Variants in SH3KBP1 observed in about 807,000 individuals in gnomAD.
The protein encoded by SH3KBP1 is SH3 domain-containing kinase-binding protein 1.
Under a neutral mutation model 50.1 loss-of-function variants are expected in SH3KBP1, and 8 were observed. That is an observed-to-expected ratio of 0.16 (90% CI 0.09 to 0.29). The LOEUF (loss-of-function observed/expected upper bound fraction) is 0.29, where lower values mean the gene tolerates loss of function less well. Among genes scored for constraint, SH3KBP1 ranks in the 10% least tolerant of loss-of-function variants. SH3KBP1 has a pLI of 1.00. For missense variants in SH3KBP1, 377 were observed against 535.2 expected (o/e 0.70, Z 2.92); for synonymous variants, 227 against 218.6 (o/e 1.04, Z -0.34).
chrX:19,863,789 T>C (rs1319542942), intron 1 of SH3KBP1, among the ~76,000 whole-genome samples: 1 of 111,621 alleles, frequency 9.0e-6, no homozygotes, highest in Non-Finnish European at 1.9e-5. Context: ...GCACTGGATG[T>C]CCAAAAAGTA....
At chrX:19,637,238 A>G (rs1490855350) in intron 7 of SH3KBP1, among the ~76,000 whole-genome samples, 4 of 112,667 alleles carry the variant, frequency 3.6e-5, no homozygotes, top group African/African-American at 1.3e-4. Context: ...GACTATGAGT[A>G]GGCATATGTC....
At chrX:19,698,271 C>T (rs1448340049) in intron 4 of SH3KBP1, among the ~76,000 whole-genome samples, 1 of 111,926 alleles carries the variant, frequency 8.9e-6, no homozygotes, top group South Asian at 3.7e-4. Flanking sequence ...CCCAACAGCA[C>T]GGGGCAGCTG....
At chrX:19,848,947 T>C (rs190958427) in intron 1 of SH3KBP1, among the ~76,000 whole-genome samples, 2 of 110,996 alleles carry the variant, frequency 1.8e-5, no homozygotes, top group Non-Finnish European at 3.8e-5. Context: ...CTTTTTTTTT[T>C]AATTTCTTTT....
intron 17 of SH3KBP1, among the ~76,000 whole-genome samples, chrX:19,537,365 G>A (rs750967658): frequency 1.8e-5 from 2 of 110,229 alleles, no homozygotes; most frequent in East Asian, 5.7e-4. Context: ...GTCTGAGGCA[G>A]GAGAATCGCT....
At chrX:19,606,697 G>A (rs2067252061) in intron 9 of SH3KBP1, among the ~76,000 whole-genome samples, 1 of 112,157 alleles carries the variant, frequency 8.9e-6, no homozygotes, top group African/African-American at 3.2e-5. Flanking sequence ...AGAGAACGCT[G>A]TTAAAATGCA....
chrX:19,703,707 TG>T (rs2063582136), intron 4 of SH3KBP1, among the ~76,000 whole-genome samples: 2 of 64,297 alleles, frequency 3.1e-5, no homozygotes, highest in African/African-American at 1.6e-4. Flanking sequence ...TGTGTGTGTG[TG>T]TGTGTGTGTG....
chrX:19,870,468 G>A (rs955208852), intron 1 of SH3KBP1, among the ~76,000 whole-genome samples: 2 of 111,014 alleles, frequency 1.8e-5, no homozygotes, highest in African/African-American at 3.3e-5. Context: ...TCAGTGTCCT[G>A]GGTGGCTAGG....
At chrX:19,586,242 A>T (rs988894101) in intron 12 of SH3KBP1, among the ~76,000 whole-genome samples, 11 of 111,950 alleles carry the variant, frequency 9.8e-5, no homozygotes, top group Non-Finnish European at 1.9e-4. Context: ...ATAACCAGAG[A>T]GTTGCAAGCA....
intron 2 of SH3KBP1, among the ~76,000 whole-genome samples, chrX:19,779,551 A>G (rs373783357): frequency 4.2e-5 from 4 of 94,255 alleles, no homozygotes; most frequent in East Asian, 7.7e-4. Context: ...AGCATTAGGT[A>G]TATCTCCCAA....
At chrX:19,760,402 ATACATACATAC>A (rs1569459775) in intron 2 of SH3KBP1, among the ~76,000 whole-genome samples, 8 of 59,638 alleles carry the variant, frequency 1.3e-4, no homozygotes, top group East Asian at 5.6e-4. Context: ...AAATAAATAC[ATACATACATAC>A]ATACATACAT....
chrX:19,729,819 G>C (rs961221240), intron 3 of SH3KBP1, among the ~76,000 whole-genome samples: 1 of 111,874 alleles, frequency 8.9e-6, no homozygotes, highest in Admixed American at 9.5e-5. Context: ...CAACATTAAT[G>C]TGAATTGCAC....
chrX:19,676,537 G>C (rs1319976765), intron 6 of SH3KBP1, among the ~76,000 whole-genome samples: 1 of 110,770 alleles, frequency 9.0e-6, no homozygotes, highest in African/African-American at 3.3e-5. Flanking sequence ...TGAGGGGATG[G>C]ATACCCCATT....
At chrX:19,672,960 G>A (rs1468516476) in intron 6 of SH3KBP1, among the ~76,000 whole-genome samples, 2 of 92,635 alleles carry the variant, frequency 2.2e-5, no homozygotes, top group East Asian at 7.3e-4. Flanking sequence ...AGGAGGCTGA[G>A]GCAGAAGAAT....
intron 2 of SH3KBP1, among the ~76,000 whole-genome samples, chrX:19,828,500 G>A (rs72620215): frequency 0.01 from 1,141 of 110,156 alleles, 39 homozygotes; most frequent in East Asian, 0.097. Flanking sequence ...AGCAAGACCC[G>A]CCCAGGCACG....
At chrX:19,575,219 G>A (rs1466057282) in intron 12 of SH3KBP1, among the ~76,000 whole-genome samples, 1 of 112,521 alleles carries the variant, frequency 8.9e-6, no homozygotes, top group East Asian at 2.8e-4. Context: ...TCTATCCCCA[G>A]TTTTAGGAGC....
chrX:19,763,485 T>C (rs953259119), intron 2 of SH3KBP1, among the ~76,000 whole-genome samples: 23 of 112,457 alleles, frequency 2.0e-4, no homozygotes, highest in Non-Finnish European at 1.9e-5. Flanking sequence ...TTCTCCTACA[T>C]AGCATCCTGC....
chrX:19,563,036 T>C (rs761957716), intron 13 of SH3KBP1, among the ~76,000 whole-genome samples: 2 of 112,058 alleles, frequency 1.8e-5, no homozygotes, highest in Non-Finnish European at 3.8e-5. Context: ...CTTTCAATGT[T>C]TACTGAGTTT....
intron 11 of SH3KBP1, among the ~76,000 whole-genome samples, chrX:19,589,543 G>C (rs1219827023): frequency 8.9e-6 from 1 of 111,826 alleles, no homozygotes; most frequent in Non-Finnish European, 1.9e-5. Flanking sequence ...TGGAGTCACA[G>C]ATATTAGAAT....
intron 6 of SH3KBP1, among the ~76,000 whole-genome samples, chrX:19,676,521 A>C (rs753263081): frequency 1.8e-5 from 2 of 111,432 alleles, no homozygotes; most frequent in Admixed American, 9.6e-5. Context: ...TCAACGGATA[A>C]ATGCTTGAGG....
Sources: allele counts gnomAD v4.1 joint callset (sites outside exome capture counted in the v4.1 genomes callset), GRCh38; gene constraint gnomAD v4.1.1; transcripts MANE v1.5; gene names NCBI Gene and HGNC (gene_info 2026-07-23, HGNC 2026-07-21).